The following SIPA1L2 variants were observed in gnomAD, a reference collection of about 807,000 sequenced individuals.
The protein encoded by SIPA1L2 is signal induced proliferation associated 1 like 2.
SIPA1L2 carries 56 observed loss-of-function variants against 163.9 expected under a neutral mutation model. The observed-to-expected ratio is 0.34, with a 90% CI of 0.28 to 0.43. The LOEUF (loss-of-function observed/expected upper bound fraction) is 0.43. Ranked by LOEUF, SIPA1L2 falls within the 20% of genes least tolerant of loss-of-function variation. The pLI, the probability that SIPA1L2 is intolerant of heterozygous loss-of-function variation, is 1.00. For synonymous variants in SIPA1L2, 877 were observed against 865.7 expected (o/e 1.01, Z -0.23); for missense variants, 1,974 against 2,193.5 (o/e 0.90, Z 2.00).
chr1:232,409,914 A>G (rs1038663563), intron 19 of SIPA1L2, among the ~76,000 whole-genome samples: 2 of 152,252 alleles, frequency 1.3e-5, no homozygotes, highest in African/African-American at 4.8e-5. Flanking sequence ...GAAAAAATTA[A>G]TAACACTTTG....
intron 4 of SIPA1L2, among the ~76,000 whole-genome samples, chr1:232,491,605 T>G (rs1665933409): frequency 6.6e-6 from 1 of 152,226 alleles, no homozygotes; most frequent in South Asian, 2.1e-4. Flanking sequence ...CACTAAATTT[T>G]GTCTCATGAC....
chr1:232,518,024 G>A, intron 2 of SIPA1L2, among the ~76,000 whole-genome samples: 1 of 152,144 alleles, frequency 6.6e-6, no homozygotes, highest in East Asian at 1.9e-4. Context: ...CCCAGCATGG[G>A]CAACAAAGTG....
intron 1 of SIPA1L2, among the ~76,000 whole-genome samples, chr1:232,581,040 A>G (rs1660344003): frequency 6.6e-6 from 1 of 152,072 alleles, no homozygotes; most frequent in Non-Finnish European, 1.5e-5. Context: ...CCTTCCTGAC[A>G]AATCTCCTCC....
At chr1:232,558,203 G>A (rs1658825231) in intron 2 of SIPA1L2, among the ~76,000 whole-genome samples, 2 of 152,212 alleles carry the variant, frequency 1.3e-5, no homozygotes, top group Non-Finnish European at 2.9e-5. Context: ...AGATTTGACT[G>A]TATCCTAATT....
chr1:232,405,282 C>T (rs1215222875), intron 19 of SIPA1L2, among the ~76,000 whole-genome samples: 4 of 152,242 alleles, frequency 2.6e-5, no homozygotes, highest in African/African-American at 9.6e-5. Flanking sequence ...CATTTGCTAA[C>T]ACACCTGCCC....
intron 13 of SIPA1L2, 58 bp downstream of exon 13, chr1:232,441,710 G>A: frequency 7.4e-7 from 1 of 1,353,188 alleles, no homozygotes; most frequent in Non-Finnish European, 1.1e-6. Flanking sequence ...GGAGAGGAGG[G>A]GGCAGAGAGG....
At chr1:232,628,924 T>A (rs1663222134) in intron 1 of SIPA1L2, among the ~76,000 whole-genome samples, 1 of 147,716 alleles carries the variant, frequency 6.8e-6, no homozygotes, top group African/African-American at 2.6e-5. Flanking sequence ...TTTTTCCTTG[T>A]TTTTTTTAAA....
chr1:232,514,532 T>A lies in SIPA1L2; in HGVS notation c.808A>T (p.Met270Leu). The change falls in exon 3 of 23, where the codon ATG (methionine) becomes TTG (leucine). Residue 270 changes from methionine to leucine, a missense_variant. By Grantham distance (15) the Met-to-Leu change is conservative. Transcript: ENST00000674635. ...GLDYVDSALL[M>L]GRDRDKPFKR... The stretch of plus-strand genomic sequence containing the variant: ...AAAGGCTTGTCCCTGTCTCTCCCCA[T>A]CAGGAGGGCACTGTCCACATAATCT... 6.2e-7 allele frequency: 1 copy of A among 1,614,112 alleles called. No homozygotes were observed. Among genetic ancestry groups the A allele is most frequent in the Non-Finnish European group, 8.5e-7 (1 of 1,180,008 alleles).
intron 1 of SIPA1L2, among the ~76,000 whole-genome samples, chr1:232,603,599 G>A (rs1661726778): frequency 6.6e-6 from 1 of 152,242 alleles, no homozygotes; most frequent in South Asian, 2.1e-4. Flanking sequence ...GGGAGGGAAG[G>A]CCAGATGACG....
chr1:232,425,924 C>T, intron 17 of SIPA1L2, 116 bp from the exon 18 acceptor site: 3 of 903,432 alleles, frequency 3.3e-6, no homozygotes, highest in Non-Finnish European at 5.0e-6. Context: ...TTTGAGTTTT[C>T]TCTGTTAGCT....
chr1:232,545,502 T>C (rs1657978298), intron 2 of SIPA1L2, among the ~76,000 whole-genome samples: 1 of 152,256 alleles, frequency 6.6e-6, no homozygotes, highest in Non-Finnish European at 1.5e-5. Flanking sequence ...AAATATGTAA[T>C]CACACGTAAT....
chr1:232,615,466 T>C (rs1348293600), intron 1 of SIPA1L2, among the ~76,000 whole-genome samples: 1 of 152,192 alleles, frequency 6.6e-6, no homozygotes, highest in African/African-American at 2.4e-5. Flanking sequence ...AGATGGCCCC[T>C]GGACTCCAGT....
At chr1:232,576,562 A>C (rs941627072) in intron 1 of SIPA1L2, among the ~76,000 whole-genome samples, 1 of 152,226 alleles carries the variant, frequency 6.6e-6, no homozygotes, top group Non-Finnish European at 1.5e-5. Context: ...ATAACCATAC[A>C]ACAGCCTCTC....
chr1:232,569,888 C>T (rs954062347), intron 2 of SIPA1L2, among the ~76,000 whole-genome samples: 5 of 152,130 alleles, frequency 3.3e-5, no homozygotes, highest in African/African-American at 1.2e-4. Context: ...ACTGGCCTTA[C>T]GAAACTGACC....
chr1:232,447,577 T>G (rs981098732), intron 10 of SIPA1L2, among the ~76,000 whole-genome samples: 1 of 152,280 alleles, frequency 6.6e-6, no homozygotes, highest in Non-Finnish European at 1.5e-5. Context: ...GGAAGGCACC[T>G]TTCTGACACA....
At chr1:232,532,517 T>C (rs1558249884) in intron 2 of SIPA1L2, among the ~76,000 whole-genome samples, 1 of 152,216 alleles carries the variant, frequency 6.6e-6, no homozygotes, top group Non-Finnish European at 1.5e-5. Flanking sequence ...CTTCTTACTG[T>C]AAACTCAGCT....
At chr1:232,486,877 T>TG (rs1332660130) in intron 5 of SIPA1L2, among the ~76,000 whole-genome samples, 1 of 152,182 alleles carries the variant, frequency 6.6e-6, no homozygotes. Flanking sequence ...CATCATAATA[T>TG]AAAGTAAAGG....
chr1:232,592,422 G>C, intron 1 of SIPA1L2, among the ~76,000 whole-genome samples: 1 of 151,820 alleles, frequency 6.6e-6, no homozygotes, highest in East Asian at 1.9e-4. Flanking sequence ...CTTAATTTGG[G>C]GTAAAATTGT....
At chr1:232,451,115 T>G (rs1165901262) in intron 10 of SIPA1L2, among the ~76,000 whole-genome samples, 1 of 152,208 alleles carries the variant, frequency 6.6e-6, no homozygotes, top group African/African-American at 2.4e-5. Flanking sequence ...TTTGTTTACT[T>G]CTATGACTAA....
Sources: gnomAD v4.1 joint callset for allele counts (sites outside exome capture counted in the v4.1 genomes callset) on GRCh38, gnomAD v4.1.1 for gene constraint, MANE v1.5 for transcripts, NCBI Gene and HGNC (gene_info 2026-07-23, HGNC 2026-07-21) for gene names.